MYO15A: variants seen among roughly 807,000 people sequenced by gnomAD.
MYO15A encodes the protein unconventional myosin-XV.
MYO15A carries 308 observed loss-of-function variants against 394.6 expected under a neutral mutation model. The observed-to-expected ratio is 0.78, with a 90% CI of 0.71 to 0.86. MYO15A has a LOEUF of 0.86. Ranked by LOEUF, MYO15A falls within the 40% of genes least tolerant of loss-of-function variation. The pLI is 0.00. For synonymous variants in MYO15A, 1,957 were observed against 2,003.8 expected (o/e 0.98, Z 0.62); for missense variants, 4,606 against 4,799.1 (o/e 0.96, Z 1.19).
chr17:18,133,939 T>A (rs1057115508), intron 12 of MYO15A, among the ~76,000 whole-genome samples: 10 of 152,188 alleles, frequency 6.6e-5, no homozygotes, highest in Non-Finnish European at 4.4e-5. Flanking sequence ...ATTATAGGCA[T>A]GAGCCACCGC....
intron 5 of MYO15A, 115 bp downstream of exon 5, chr17:18,126,571 G>A: frequency 8.9e-7 from 1 of 1,124,178 alleles, no homozygotes; most frequent in Non-Finnish European, 1.3e-6. Flanking sequence ...GGGAAAGGCA[G>A]CCCACCTACT....
In MYO15A at chr17:18,157,784, G is replaced by A. The variant is rs773487299; in HGVS notation, c.8851G>A (p.Ala2951Thr). 6.9e-6 allele frequency: 11 copies of A among 1,604,154 alleles called. No individual in the cohort carries two copies. The highest frequency in any genetic ancestry group is 3.3e-5 in the South Asian group (3 of 91,068). ...GRFPSELVQP[A>T]AAPDFLQLPT... Reference sequence around the variant, plus strand: ...CTTCCCTTCGGAGCTGGTGCAGCCCGCTGCTGCCCCCGACTTCCTGCAGCT... The same window carrying A: ...CTTCCCTTCGGAGCTGGTGCAGCCCACTGCTGCCCCCGACTTCCTGCAGCT... The change falls in exon 51 of 66, where the codon GCT becomes ACT. Residue 2951 changes from alanine to threonine, a missense_variant. Coordinates refer to ENST00000647165, the MANE Select transcript of MYO15A (RefSeq NM_016239.4).
At chr17:18,110,784 T>C (rs2045710664) in intron 1 of MYO15A, among the ~76,000 whole-genome samples, 1 of 152,228 alleles carries the variant, frequency 6.6e-6, no homozygotes, top group Admixed American at 6.5e-5. Context: ...CCACCTCTCA[T>C]TTCACATGCC....
In MYO15A at chr17:18,159,347, G is replaced by A. The variant is rs1214680490; in HGVS notation, c.9229G>A (p.Ala3077Thr). Reference sequence around the variant, plus strand: ...CAAGATGGCCACCGACATGTTCCTAGGTGTGGGAGTGGGACTGCAGCCAGG... The same window carrying A: ...CAAGATGGCCACCGACATGTTCCTAAGTGTGGGAGTGGGACTGCAGCCAGG... ...LSKMATDMFL[A>T]VMRFMGDAPL... The change falls in exon 54 of 66, where the codon GCT (alanine) becomes ACT (threonine). Residue 3077 changes from alanine (A) to threonine (T), a missense_variant and splice_region_variant. This residue lies in a region of MYO15A where 2,776 missense variants were observed against 3,109.3 expected (regional missense o/e 0.89). Coordinates refer to ENST00000647165, the MANE Select transcript of MYO15A (RefSeq NM_016239.4). 1 of 1,614,204 alleles carries A rather than the reference G, an allele frequency of 6.2e-7. No individual in the cohort carries two copies. The highest frequency in any genetic ancestry group is 8.5e-7 in the Non-Finnish European group (1 of 1,180,042).
rs1567625648 is a variant in MYO15A at position 18,121,800 on chromosome 17, G to A, written c.3000G>A (p.Gln1000=). 2 of 1,612,748 alleles carry A rather than the reference G, an allele frequency of 1.2e-6. No individual in the cohort carries two copies. Among genetic ancestry groups the A allele is most frequent in the Non-Finnish European group, 8.5e-7 (1 of 1,179,906 alleles). Residue 1000 remains glutamine, a synonymous_variant, in exon 2 of 66, where the codon CAG becomes CAA. Coordinates refer to ENST00000647165, the MANE Select transcript of MYO15A (RefSeq NM_016239.4). The surrounding 1 kb of genome is among the most constrained non-coding windows in gnomAD (Gnocchi z 5.3). The part of the protein sequence containing the change: ...LGRHHEPGPG[Q]LTKSAGPTPE... ...GACACCATGAGCCGGGGCCTGGACA[G>A]CTCACCAAATCAGCTGGCCCAACCC...
intron 62 of MYO15A, chr17:18,169,718 AT>A (rs1446003168): frequency 6.6e-6 from 1 of 152,160 alleles, no homozygotes; most frequent in Non-Finnish European, 1.5e-5. Context: ...TAAAATATTG[AT>A]TTATTAATTC....
In MYO15A at chr17:18,139,665, C is replaced by T. The variant is rs370934257; in HGVS notation, c.5211+54C>T. On this transcript the variant is annotated intron_variant, in intron 19 of 65. Transcript: ENST00000647165. ...CTGCCCCCAGGCATGTCCCCACCCCCACACCCAGCCTGCCTTCAGGCCTGG... is the reference window on the plus strand; with the variant it reads ...CTGCCCCCAGGCATGTCCCCACCCCTACACCCAGCCTGCCTTCAGGCCTGG... The T allele has an allele frequency of 4.1e-4, 647 of 1,588,454 alleles. 1 individual carries two copies. Among genetic ancestry groups the T allele is most frequent in the South Asian group, 1.4e-3 (122 of 89,572 alleles).
intron 62 of MYO15A, among the ~76,000 whole-genome samples, chr17:18,169,154 TAATAAA>T (rs1189063747): frequency 0.022 from 2,010 of 92,460 alleles, 28 homozygotes; most frequent in Middle Eastern, 0.067. Context: ...ATAATAATAA[TAATAAA>T]AATAGGCTGG....
In MYO15A at chr17:18,131,543, C is replaced by A. The variant is rs199946395; in HGVS notation, c.4206+12C>A. The stretch of plus-strand genomic sequence containing the variant: ...GGATCGTGTTTCAGGTGGGCCACCC[C>A]CTCCCAGGCCTCTGTGTTGGGCAGG... On this transcript the variant is annotated intron_variant, in intron 10 of 65. Coordinates refer to ENST00000647165, the MANE Select transcript of MYO15A (RefSeq NM_016239.4). The A allele has an allele frequency of 3.1e-6, 5 of 1,613,858 alleles. No homozygotes were observed. The highest frequency in any genetic ancestry group is 4.2e-6 in the Non-Finnish European group (5 of 1,179,874).
intron 60 of MYO15A, among the ~76,000 whole-genome samples, chr17:18,165,454 G>A (rs1156344324): frequency 6.6e-6 from 1 of 152,142 alleles, no homozygotes; most frequent in Non-Finnish European, 1.5e-5. Flanking sequence ...AGCCAGCAGT[G>A]TAGAATCCTC....
chr17:18,141,286 C>A, intron 22 of MYO15A, 143 bp downstream of exon 22: 1 of 1,239,474 alleles, frequency 8.1e-7, no homozygotes, highest in Non-Finnish European at 1.1e-6. Context: ...CACATGCTAA[C>A]TGTTAATGTG....
Position 18,151,861 on chromosome 17 carries a change from A to G in MYO15A, c.7803A>G (p.Lys2601=), listed in dbSNP as rs1360781945. The change falls in exon 41 of 66, where the codon AAA becomes AAG. Residue 2601 remains lysine, a synonymous_variant. Transcript: ENST00000647165. ...ATGCCCACAGGAAGGATGGCGGGAA[A>G]GTGTTCATGAAGCGGCCAGACCCTC... ...RPEALRKDGG[K]VFMKRPDPHE... The G allele has an allele frequency of 1.3e-6, 2 of 1,577,446 alleles. No homozygotes were observed. Among genetic ancestry groups the G allele is most frequent in the African/African-American group, 2.7e-5 (2 of 74,608 alleles).
At chr17:18,175,294 T>TC (rs779938596) in intron 65 of MYO15A, among the ~76,000 whole-genome samples, 1 of 130,704 alleles carries the variant, frequency 7.7e-6, no homozygotes, top group East Asian at 2.0e-4. Context: ...TAGACTATCT[T>TC]TTTTTTTTTT....
chr17:18,131,577 G>A (rs767495750), intron 10 of MYO15A, 46 bp downstream of exon 10: 8 of 1,608,372 alleles, frequency 5.0e-6, no homozygotes, highest in Non-Finnish European at 6.8e-6. Context: ...GGGTCGGGGT[G>A]GGAGGTACAG....
At position 18,146,065 on chromosome 17, in the gene MYO15A, G is replaced by A. The variant is rs1423578834; in HGVS notation, c.6467G>A (p.Ser2156Asn). The change falls in exon 30 of 66, where the codon AGT becomes AAT. Residue 2156 changes from serine (S) to asparagine (N), a missense_variant. Ser to Asn is a conservative substitution (Grantham distance 46). Coordinates refer to ENST00000647165, the MANE Select transcript of MYO15A (RefSeq NM_016239.4). ...RGWLLLAACL[S>N]GFAPSPCFNK... ...TGGCTGCTGCTGGCCGCCTGCCTCA[G>A]TGGCTTTGCACCTTCCCCGTGCTTC... 5 of 1,613,838 alleles carry A rather than the reference G, an allele frequency of 3.1e-6. No individual in the cohort carries two copies. The highest frequency in any genetic ancestry group is 4.2e-6 in the Non-Finnish European group (5 of 1,180,044).
Position 18,148,183 on chromosome 17 carries a change from A to G in MYO15A, c.6664A>G (p.Met2222Val). Residue 2222 changes from methionine (M) to valine (V), a missense_variant, in exon 31 of 66, where the codon ATG becomes GTG. This residue lies in a region of MYO15A where 2,776 missense variants were observed against 3,109.3 expected (regional missense o/e 0.89). Coordinates refer to ENST00000647165, the MANE Select transcript of MYO15A (RefSeq NM_016239.4). This position sits in a 1 kb window ranked among gnomAD's most constrained non-coding sequence, Gnocchi z 4.8. ...GACAGCGACCTATGAGAAGGCCAGC[A>G]TGGCGCTGGACGTGGGCTGCTTCAA... ...EWTATYEKAS[M>V]ALDVGCFNGD... 5.0e-6 allele frequency: 8 copies of G among 1,613,772 alleles called. No individual in the cohort carries two copies. The highest frequency in any genetic ancestry group is 6.8e-6 in the Non-Finnish European group (8 of 1,180,026).
intron 47 of MYO15A, chr17:18,155,974 G>T: frequency 1.6e-6 from 1 of 606,726 alleles, no homozygotes; most frequent in Non-Finnish European, 2.9e-6. Flanking sequence ...AGGGTGGAGA[G>T]GGGCCGGAGT....
Position 18,147,052 on chromosome 17 carries a change from C to T in MYO15A, c.6509+945C>T, listed in dbSNP as rs1018610349. 2.6e-5 allele frequency among the ~76,000 whole-genome samples: 4 copies of T among 152,160 alleles called. No individual in the cohort carries two copies. Among genetic ancestry groups the T allele is most frequent in the Non-Finnish European group, 5.9e-5 (4 of 68,012 alleles). ...ATGGTAGGTGCTATGTGGGTATAAC[C>T]ATCACAATGATGTCACCCTGCTGGG... On this transcript the variant is annotated intron_variant, in intron 30 of 65. Transcript: ENST00000647165. The surrounding 1 kb of genome is among the most constrained non-coding windows in gnomAD (Gnocchi z 4.4).
chr17:18,176,974 T>C (rs752703648), intron 65 of MYO15A: 2 of 152,214 alleles, frequency 1.3e-5, no homozygotes, highest in East Asian at 1.9e-4. Context: ...GCCTGGCACA[T>C]AGTAGATGCT....
Sources: gnomAD v4.1 joint callset for allele counts (sites outside exome capture counted in the v4.1 genomes callset) on GRCh38, gnomAD v4.1.1 for gene constraint, gnomAD v4.1.1 regional missense constraint, Gnocchi (gnomAD v3.1) non-coding constraint, MANE v1.5 for transcripts, NCBI Gene and HGNC (gene_info 2026-07-23, HGNC 2026-07-21) for gene names.